Variants in DCAF7 observed in about 807,000 individuals in gnomAD.
DCAF7 encodes DDB1- and CUL4-associated factor 7.
A neutral mutation model predicts 41.2 loss-of-function variants in DCAF7; 4 were observed. The observed-to-expected ratio is 0.10, with a 90% CI of 0.05 to 0.22. The LOEUF (loss-of-function observed/expected upper bound fraction) is 0.22, where lower values mean the gene tolerates loss of function less well. Ranked by LOEUF, DCAF7 falls within the 10% of genes least tolerant of loss-of-function variation. The pLI, the probability that DCAF7 is intolerant of heterozygous loss-of-function variation, is 1.00. For synonymous variants in DCAF7, 143 were observed against 164.2 expected (o/e 0.87, Z 0.99); for missense variants, 131 against 443.2 (o/e 0.30, Z 6.32).
chr17:63,570,222 T>G (rs561924853), intron 1 of DCAF7, among the ~76,000 whole-genome samples: 1 of 151,770 alleles, frequency 6.6e-6, no homozygotes. Context: ...GGGAGGCCAA[T>G]GCAGGCAGAT....
intron 3 of DCAF7, 91 bp downstream of exon 3, chr17:63,579,539 G>A: frequency 1.0e-6 from 1 of 961,070 alleles, no homozygotes; most frequent in Non-Finnish European, 1.6e-6. Flanking sequence ...CTAGAACAAG[G>A]CTCAGTGGGA....
At chr17:63,554,183 C>G (rs984047820) in intron 1 of DCAF7, among the ~76,000 whole-genome samples, 2 of 152,158 alleles carry the variant, frequency 1.3e-5, no homozygotes, top group Non-Finnish European at 2.9e-5. Context: ...CCAGCCTGGG[C>G]GACAGAGCCA....
chr17:63,587,347 G>T (rs1458639729), intron 6 of DCAF7, among the ~76,000 whole-genome samples: 2 of 151,392 alleles, frequency 1.3e-5, no homozygotes, highest in East Asian at 1.9e-4. Context: ...TTTCCCAGGG[G>T]TGTGGATAGG....
intron 1 of DCAF7, 35 bp from the exon 2 acceptor site, chr17:63,578,435 A>T: frequency 1.9e-6 from 3 of 1,613,682 alleles, no homozygotes; most frequent in Non-Finnish European, 8.5e-7. Context: ...TACTGCTCAC[A>T]AATGCTTATG....
At chr17:63,565,040 A>G (rs956222166) in intron 1 of DCAF7, among the ~76,000 whole-genome samples, 1 of 152,076 alleles carries the variant, frequency 6.6e-6, no homozygotes, top group Non-Finnish European at 1.5e-5. Context: ...GGGAGGACCA[A>G]GGTGTCAGGA....
chr17:63,571,499 T>A (rs2033506309), intron 1 of DCAF7, among the ~76,000 whole-genome samples: 1 of 152,162 alleles, frequency 6.6e-6, no homozygotes, highest in Admixed American at 6.5e-5. Flanking sequence ...GTTATCTTTA[T>A]GTGGTGGGAT....
chr17:63,559,432 T>C (rs2033355206), intron 1 of DCAF7, among the ~76,000 whole-genome samples: 1 of 67,862 alleles, frequency 1.5e-5, no homozygotes, highest in Admixed American at 1.2e-4. Context: ...TATATATATA[T>C]GTGTGTGTAT....
At chr17:63,568,401 C>A (rs189394212) in intron 1 of DCAF7, among the ~76,000 whole-genome samples, 1 of 152,088 alleles carries the variant, frequency 6.6e-6, no homozygotes, top group Admixed American at 6.6e-5. Context: ...GTAGAAAGTT[C>A]TTAGTCTTTG....
intron 1 of DCAF7, among the ~76,000 whole-genome samples, chr17:63,561,943 TA>T (rs2033386410): frequency 7.2e-6 from 1 of 139,156 alleles, no homozygotes; most frequent in Non-Finnish European, 1.5e-5. Flanking sequence ...ATATAAGGGG[TA>T]AAGGAGGGCC....
rs1174607315 is a variant in DCAF7 at position 63,591,725 on chromosome 17, G to A, written c.*2553G>A. 6.6e-6 allele frequency: 1 copy of A among 152,262 alleles called. No homozygotes were observed. Among genetic ancestry groups the A allele is most frequent in the Non-Finnish European group, 1.5e-5 (1 of 68,066 alleles). 9.4% of individuals were successfully genotyped at this position (152,262 alleles called of 1,614,324 possible). A position where few individuals can be genotyped will look rare whatever the true frequency, so the allele number is the denominator to read the frequency against. On this transcript the variant is annotated 3_prime_UTR_variant, in exon 7 of 7. Coordinates refer to ENST00000614556, the MANE Select transcript of DCAF7 (RefSeq NM_005828.5). ...CTGTTGTAGTTGCAAAAACAACTCT[G>A]TAATTTGTTGAGGTTCTCAAACTGA...
chr17:63,559,409 GTATATATATACGTATATATATA>G (rs1568097841), intron 1 of DCAF7, among the ~76,000 whole-genome samples: 6 of 86,340 alleles, frequency 6.9e-5, no homozygotes, highest in South Asian at 2.9e-4. Flanking sequence ...GTATATATAT[GTATATATATACGTATATATATA>G]TGTGTGTGTA....
At chr17:63,565,955 G>GCTGGGCATGGTGGTGTGTACCTATAAT (rs1405575032) in intron 1 of DCAF7, among the ~76,000 whole-genome samples, 20 of 151,938 alleles carry the variant, frequency 1.3e-4, no homozygotes, top group Non-Finnish European at 2.5e-4. Context: ...ACAAAAATTA[G>GCTGGGCATGGTGGTGTGTACCTATAAT]CTGGGCATGG....
At chr17:63,579,286 T>G (rs2033594398) in intron 2 of DCAF7, 51 bp from the exon 3 acceptor site, 1 of 1,303,886 alleles carries the variant, frequency 7.7e-7, no homozygotes, top group African/African-American at 1.5e-5. Context: ...TTAAAAGACT[T>G]TTTATGAGGA....
Position 63,593,895 on chromosome 17 carries a change from C to T in DCAF7, c.*4723C>T, listed in dbSNP as rs1448165390. 6.6e-6 allele frequency: 1 copy of T among 152,582 alleles called. No homozygotes were observed. 9.5% of individuals were successfully genotyped at this position (152,582 alleles called of 1,614,324 possible). Reference sequence around the variant, plus strand: ...CTTTAGCCTAGTATGTCTGAACTTCCATTCTTGTTATATATTTAAACTTTC... The same window carrying T: ...CTTTAGCCTAGTATGTCTGAACTTCTATTCTTGTTATATATTTAAACTTTC... On this transcript the variant is annotated 3_prime_UTR_variant, in exon 7 of 7. Transcript: ENST00000614556.
At position 63,583,727 on chromosome 17, in the gene DCAF7, A is replaced by C; in HGVS notation, c.738+16A>C. 6.2e-7 allele frequency: 1 copy of C among 1,612,382 alleles called. No homozygotes were observed. The highest frequency in any genetic ancestry group is 8.5e-7 in the Non-Finnish European group (1 of 1,178,618). On this transcript the variant is annotated intron_variant, in intron 5 of 6. Transcript: ENST00000614556. ...TGGAATGGAGGTGAGCACTCCTCTCAGGCTACCATGGGCCCTGCCTAACTC... is the reference window on the plus strand; with the variant it reads ...TGGAATGGAGGTGAGCACTCCTCTCCGGCTACCATGGGCCCTGCCTAACTC...
At chr17:63,553,143 G>A (rs1156635468) in intron 1 of DCAF7, among the ~76,000 whole-genome samples, 1 of 152,172 alleles carries the variant, frequency 6.6e-6, no homozygotes. Context: ...TTAAAGTGGT[G>A]ATGTAGTCAT....
chr17:63,559,407 A>ATATG (rs2033352918), intron 1 of DCAF7, among the ~76,000 whole-genome samples: 3 of 107,486 alleles, frequency 2.8e-5, no homozygotes, highest in African/African-American at 5.1e-5. Context: ...ATGTATATAT[A>ATATG]TGTATATATA....
At chr17:63,561,290 C>T (rs569023937) in intron 1 of DCAF7, among the ~76,000 whole-genome samples, 2 of 151,974 alleles carry the variant, frequency 1.3e-5, no homozygotes, top group East Asian at 3.9e-4. Flanking sequence ...AAAGTACAAC[C>T]GACTAAGAAT....
chr17:63,588,996 C>G lies in DCAF7; in HGVS notation c.857-4C>G, dbSNP rs1378505372. The G allele has an allele frequency of 3.1e-6, 5 of 1,607,272 alleles. No individual in the cohort carries two copies. The highest frequency in any genetic ancestry group is 3.4e-6 in the Non-Finnish European group (4 of 1,175,448). On this transcript the variant is annotated splice_polypyrimidine_tract_variant and splice_region_variant and intron_variant, in intron 6 of 6. Coordinates refer to ENST00000614556, the MANE Select transcript of DCAF7 (RefSeq NM_005828.5). Reference sequence around the variant, plus strand: ...CCTTGCTTGCTGGCTTTCTTTGTCCCTAGCGGATGACCACCAGGCTCTCAT... The same window carrying G: ...CCTTGCTTGCTGGCTTTCTTTGTCCGTAGCGGATGACCACCAGGCTCTCAT...
Sources: allele counts gnomAD v4.1 joint callset (sites outside exome capture counted in the v4.1 genomes callset), GRCh38; gene constraint gnomAD v4.1.1; transcripts MANE v1.5; gene names NCBI Gene and HGNC (gene_info 2026-07-23, HGNC 2026-07-21).